The following PLPP3 variants were observed in gnomAD, a reference collection of about 807,000 sequenced individuals.
PLPP3 encodes the protein phospholipid phosphatase 3, also known as PAP2 beta.
PLPP3 carries 6 observed loss-of-function variants against 29.6 expected under a neutral mutation model. That is an observed-to-expected ratio of 0.20 (90% CI 0.11 to 0.40). The LOEUF is 0.40. Among genes scored for constraint, PLPP3 ranks in the 10% least tolerant of loss-of-function variants. The pLI is 1.00. For synonymous variants in PLPP3, 152 were observed against 159.7 expected (o/e 0.95, Z 0.36); for missense variants, 308 against 407.7 (o/e 0.76, Z 2.11).
chr1:56,564,045 T>C (rs1412081720), intron 1 of PLPP3, among the ~76,000 whole-genome samples: 1 of 152,398 alleles, frequency 6.6e-6, no homozygotes, highest in East Asian at 1.9e-4. Flanking sequence ...GCTTTCTTCA[T>C]ATGCTCATTA....
At position 56,579,143 on chromosome 1, in the gene PLPP3, G is replaced by C. The variant is rs1212337196; in HGVS notation, c.-127C>G. On this transcript the variant is annotated 5_prime_UTR_variant, in exon 1 of 6. Transcript: ENST00000371250. ...ATAGTGGCGGGTCGGCCCCGGCTCC[G>C]GGCGCGGCGGCTAGAGTGCAGCCGG... The C allele has an allele frequency of 7.6e-7, 1 of 1,314,342 alleles. No individual in the cohort carries two copies. The highest frequency in any genetic ancestry group is 1.6e-5 in the African/African-American group (1 of 63,894). 81.4% of individuals were successfully genotyped at this position (1,314,342 alleles called of 1,614,324 possible). A position where few individuals can be genotyped will look rare whatever the true frequency, so the allele number is the denominator to read the frequency against.
At chr1:56,552,224 A>T (rs1214228761) in intron 1 of PLPP3, among the ~76,000 whole-genome samples, 3 of 95,136 alleles carry the variant, frequency 3.2e-5, no homozygotes, top group Non-Finnish European at 7.6e-5. Context: ...GGCACTTATA[A>T]AAAAAAAAAA....
Position 56,524,126 on chromosome 1 carries a change from T to C in PLPP3, c.575+151A>G, listed in dbSNP as rs1645837077. On this transcript the variant is annotated intron_variant, in intron 3 of 5. Coordinates refer to ENST00000371250, the MANE Select transcript of PLPP3 (RefSeq NM_003713.5). This position sits in a 1 kb window ranked among gnomAD's most constrained non-coding sequence, Gnocchi z 4.3. ...GCTATATCGGAAGTATTGATTTACATATCTGTCTCAATCATCTGACTGTGA... is the reference window on the plus strand; with the variant it reads ...GCTATATCGGAAGTATTGATTTACACATCTGTCTCAATCATCTGACTGTGA... 4.2e-6 allele frequency: 4 copies of C among 963,636 alleles called. No individual in the cohort carries two copies. The highest frequency in any genetic ancestry group is 3.4e-4 in the Middle Eastern group (1 of 2,976). 59.7% of individuals were successfully genotyped at this position (963,636 alleles called of 1,614,324 possible). A position where few individuals can be genotyped will look rare whatever the true frequency, so the allele number is the denominator to read the frequency against.
intron 2 of PLPP3, among the ~76,000 whole-genome samples, chr1:56,531,741 C>CA (rs975905689): frequency 3.3e-5 from 5 of 152,206 alleles, no homozygotes; most frequent in Admixed American, 3.3e-4. Flanking sequence ...CGTGTTCCCC[C>CA]ATTCACTAAG....
chr1:56,552,485 A>T (rs1248548629), intron 1 of PLPP3, among the ~76,000 whole-genome samples: 1 of 152,244 alleles, frequency 6.6e-6, no homozygotes, highest in East Asian at 1.9e-4. Context: ...CCAAGTCAAC[A>T]CAATTTTAAA....
chr1:56,570,789 G>C (rs1016594603), intron 1 of PLPP3, among the ~76,000 whole-genome samples: 33 of 152,038 alleles, frequency 2.2e-4, no homozygotes, highest in African/African-American at 2.4e-5. Context: ...TGAAAACATG[G>C]AGTCTCTTTT....
rs114098404 is a variant in PLPP3 at position 56,565,435 on chromosome 1, A to T, written c.139+13443T>A. On this transcript the variant is annotated intron_variant, in intron 1 of 5. Transcript: ENST00000371250. ...CTAAAGTCCCTTCTTTTTTTTTTTTAAATGATACAGAGTCTCCCTCTGTTG... is the reference window on the plus strand; with the variant it reads ...CTAAAGTCCCTTCTTTTTTTTTTTTTAATGATACAGAGTCTCCCTCTGTTG... Among the ~76,000 whole-genome samples the T allele has an allele frequency of 5.6e-3, 850 of 151,050 alleles. 3 individuals carry two copies. The highest frequency in any genetic ancestry group is 0.013 in the African/African-American group (537 of 41,146).
intron 1 of PLPP3, among the ~76,000 whole-genome samples, chr1:56,575,591 G>A (rs1345996406): frequency 2.0e-5 from 3 of 152,212 alleles, no homozygotes; most frequent in Non-Finnish European, 4.4e-5. Context: ...CCGAGCTTCA[G>A]AATTTTCTGA....
intron 5 of PLPP3, among the ~76,000 whole-genome samples, chr1:56,505,661 A>G (rs1284084678): frequency 6.6e-6 from 1 of 152,134 alleles, no homozygotes; most frequent in Non-Finnish European, 1.5e-5. Context: ...TCTTGATAAT[A>G]TTTTCTTTTC....
chr1:56,572,095 C>A (rs1462904793), intron 1 of PLPP3, among the ~76,000 whole-genome samples: 2 of 134,974 alleles, frequency 1.5e-5, no homozygotes, highest in Non-Finnish European at 3.1e-5. Context: ...TATCACCCAG[C>A]CTGGAGTGCA....
Position 56,578,916 on chromosome 1 carries a change from A to G in PLPP3, c.101T>C (p.Val34Ala), listed in dbSNP as rs1475072173. 2.5e-6 allele frequency: 4 copies of G among 1,603,132 alleles called. No homozygotes were observed. In the African/African-American group the frequency reaches 5.5e-5, roughly 22 times the overall value. ...NNPRRSGSKR[V>A]LLICLDLFCL... ...GAAGAGGTCGAGGCAGATGAGCAGC[A>G]CCCGCTTGCTGCCGCTCCTCCTCGG... Residue 34 changes from valine (V) to alanine (A), a missense_variant, in exon 1 of 6, where the codon GTG (valine) becomes GCG (alanine). Val to Ala is a moderately conservative substitution (Grantham distance 64). Around this residue, in one of 3 missense-constraint regions of PLPP3, gnomAD observed 67 missense variants for 61.3 expected, o/e 1.09. Coordinates refer to ENST00000371250, the MANE Select transcript of PLPP3 (RefSeq NM_003713.5).
intron 1 of PLPP3, among the ~76,000 whole-genome samples, chr1:56,572,140 A>G (rs773074847): frequency 6.7e-5 from 9 of 134,840 alleles, no homozygotes; most frequent in Non-Finnish European, 1.2e-4. Context: ...GCCTCTGCCA[A>G]CTGGGTTCCA....
At chr1:56,499,205 T>C (rs1172255219) in intron 5 of PLPP3, among the ~76,000 whole-genome samples, 13 of 151,928 alleles carry the variant, frequency 8.6e-5, no homozygotes. Context: ...AACTGCAGGA[T>C]AGGAATCATA....
At chr1:56,538,506 GT>G in intron 1 of PLPP3, 1 of 414,708 alleles carries the variant, frequency 2.4e-6, no homozygotes, top group Admixed American at 2.4e-5. Flanking sequence ...CTCTAGGCCT[GT>G]TAGAAAACAT....
chr1:56,511,690 T>C (rs990336486), intron 5 of PLPP3, among the ~76,000 whole-genome samples: 1 of 151,994 alleles, frequency 6.6e-6, no homozygotes, highest in Non-Finnish European at 1.5e-5. Flanking sequence ...AGTTGGACAA[T>C]ATCTCAGCTC....
At chr1:56,523,994 T>G in intron 3 of PLPP3, 114 bp from the exon 4 acceptor site, 1 of 1,244,070 alleles carries the variant, frequency 8.0e-7, no homozygotes, top group Non-Finnish European at 1.1e-6. Context: ...TAGGCCCTGT[T>G]CATTTTTGCA....
intron 1 of PLPP3, among the ~76,000 whole-genome samples, chr1:56,570,206 C>G (rs1286688834): frequency 6.6e-6 from 1 of 152,154 alleles, no homozygotes; most frequent in African/African-American, 2.4e-5. Flanking sequence ...ATTGATACCA[C>G]AAACTAATTT....
In PLPP3 at chr1:56,523,884, C is replaced by G. The variant is rs745842175; in HGVS notation, c.576-4G>C. 18 of 1,613,294 alleles carry G rather than the reference C, an allele frequency of 1.1e-5. No individual in the cohort carries two copies. The highest frequency in any genetic ancestry group is 1.5e-5 in the Non-Finnish European group (18 of 1,179,576). On this transcript the variant is annotated splice_region_variant and splice_polypyrimidine_tract_variant and intron_variant, in intron 3 of 5. Transcript: ENST00000371250. The stretch of plus-strand genomic sequence containing the variant: ...ATGGCCAGAGAAGAAGGACTTCCTG[C>G]AAGAGCAAGAGAGGGCCATGAAAGG...
intron 1 of PLPP3, among the ~76,000 whole-genome samples, chr1:56,565,537 C>T (rs929882382): frequency 1.6e-4 from 25 of 152,290 alleles, no homozygotes; most frequent in Non-Finnish European, 3.5e-4. Flanking sequence ...TCTCCTGCCT[C>T]AGCCTCCCGA....
Sources: allele counts gnomAD v4.1 joint callset (sites outside exome capture counted in the v4.1 genomes callset), GRCh38; gene constraint gnomAD v4.1.1; regional missense constraint gnomAD v4.1.1; non-coding constraint Gnocchi (gnomAD v3.1); transcripts MANE v1.5; gene names NCBI Gene and HGNC (gene_info 2026-07-23, HGNC 2026-07-21).